Variants in DLG1 observed in about 807,000 individuals in gnomAD.
DLG1 encodes the protein discs large MAGUK scaffold protein 1, also known as disks large homolog 1.
Under a neutral mutation model 123.4 loss-of-function variants are expected in DLG1, and 42 were observed. That is an observed-to-expected ratio of 0.34 (90% confidence interval 0.27 to 0.44). The LOEUF (loss-of-function observed/expected upper bound fraction) is 0.44. Ranked by LOEUF, DLG1 falls within the 20% of genes least tolerant of loss-of-function variation. The pLI is 1.00. For synonymous variants in DLG1, 317 were observed against 356.2 expected (o/e 0.89, Z 1.24); for missense variants, 942 against 1,082.6 (o/e 0.87, Z 1.82).
rs1210979506 is a variant in DLG1 at position 197,211,761 on chromosome 3, A to ATATATATATT, written c.319-17173_319-17172insAATATATATA. 6.5e-4 allele frequency among the ~76,000 whole-genome samples: 95 copies of ATATATATATT among 146,504 alleles called. 4 individuals are homozygous for ATATATATATT. Among genetic ancestry groups the ATATATATATT allele is most frequent in the African/African-American group, 2.2e-3 (92 of 41,240 alleles). ...CCAGCAATCCCATTACTGGTTATAT[A>ATATATATATT]CCTAGAGGAATATAAATCATTCTAC... On this transcript the variant is annotated intron_variant, in intron 4 of 24. Transcript: ENST00000667157.
At chr3:197,068,488 T>C (rs770488107) in intron 19 of DLG1, 1 of 1,547,966 alleles carries the variant, frequency 6.5e-7, no homozygotes, top group South Asian at 1.1e-5. Context: ...GGGACTGATA[T>C]TAACAGGATG....
intron 5 of DLG1, among the ~76,000 whole-genome samples, chr3:197,182,106 A>T (rs1010430638): frequency 6.6e-6 from 1 of 151,538 alleles, no homozygotes; most frequent in African/African-American, 2.4e-5. Context: ...ATACATATAT[A>T]GAAGGGTGTG....
intron 3 of DLG1, among the ~76,000 whole-genome samples, chr3:197,287,085 G>A (rs978751861): frequency 1.3e-5 from 2 of 151,082 alleles, no homozygotes; most frequent in African/African-American, 4.9e-5. Flanking sequence ...TGCCCAGGCT[G>A]GTCTCAAACT....
At chr3:197,282,093 G>A (rs1165866403) in intron 4 of DLG1, among the ~76,000 whole-genome samples, 1 of 152,118 alleles carries the variant, frequency 6.6e-6, no homozygotes, top group African/African-American at 2.4e-5. Flanking sequence ...TCATACCTCT[G>A]CTATACCATA....
At chr3:197,061,869 CCTTTGTAA>C (rs1330247806) in intron 22 of DLG1, among the ~76,000 whole-genome samples, 1 of 152,028 alleles carries the variant, frequency 6.6e-6, no homozygotes, top group African/African-American at 2.4e-5. Flanking sequence ...ATCATTTTTA[CCTTTGTAA>C]CTGATAAGTA....
At position 197,060,069 on chromosome 3, in the gene DLG1, CTA is replaced by C; in HGVS notation, c.2374-73_2374-72del. 2.8e-6 allele frequency: 3 copies of C among 1,079,362 alleles called. No individual in the cohort carries two copies. In the Admixed American group the frequency reaches 5.9e-5, roughly 21 times the overall value. The allele number at this position is 1,079,362 out of a possible 1,614,324, so 66.9% of individuals were successfully genotyped here. A position where few individuals can be genotyped will look rare whatever the true frequency, so the allele number is the denominator to read the frequency against. ...CTCAATAATATCAAAGGTACTTTTC[CTA>C]CAGGTCCACAGTCTAAATCATGATC... On this transcript the variant is annotated intron_variant, in intron 22 of 24. Coordinates refer to ENST00000667157, the MANE Select transcript of DLG1 (RefSeq NM_001366207.1).
chr3:197,156,048 A>G (rs1358025724), intron 5 of DLG1, among the ~76,000 whole-genome samples: 1 of 152,236 alleles, frequency 6.6e-6, no homozygotes, highest in Non-Finnish European at 1.5e-5. Context: ...TATAACTTTG[A>G]TTTGTAACTT....
intron 4 of DLG1, among the ~76,000 whole-genome samples, chr3:197,242,631 A>G (rs1171646486): frequency 6.6e-6 from 1 of 152,134 alleles, no homozygotes; most frequent in Non-Finnish European, 1.5e-5. Context: ...CAATAAAAAG[A>G]ACCTCAAGAA....
Position 197,115,937 on chromosome 3 carries a change from C to T in DLG1, c.1433G>A (p.Arg478His), listed in dbSNP as rs748649814. 3.7e-6 allele frequency: 6 copies of T among 1,611,992 alleles called. No individual in the cohort carries two copies. The highest frequency in any genetic ancestry group is 1.7e-5 in the Admixed American group (1 of 59,670). ...DLSGELRKGD[R>H]IISVNSVDLR... ...ACTAACGTGTCTTACCGATATAATA[C>T]GATCTCCTTTTCTGAGCTCTCCACT... Residue 478 changes from arginine (R) to histidine (H), a missense_variant, in exon 13 of 25, where the codon CGT (arginine) becomes CAT (histidine). Physicochemically the swap from Arg to His is conservative, Grantham distance 29 (BLOSUM62 0). Coordinates refer to ENST00000667157, the MANE Select transcript of DLG1 (RefSeq NM_001366207.1).
chr3:197,101,613 T>A lies in DLG1; in HGVS notation c.1546+3290A>T, dbSNP rs555894577. On this transcript the variant is annotated intron_variant, in intron 14 of 24. Coordinates refer to ENST00000667157, the MANE Select transcript of DLG1 (RefSeq NM_001366207.1). ...ACCGTGTTAGCCAGAATGGTCTCTA[T>A]CTCCTGACCTCGTGATCTGCCCGCC... 3.0e-4 allele frequency among the ~76,000 whole-genome samples: 45 copies of A among 152,144 alleles called. No homozygotes were observed. In the East Asian group the frequency reaches 7.7e-3, roughly 26 times the overall value.
chr3:197,156,636 A>G (rs1345523808), intron 5 of DLG1, among the ~76,000 whole-genome samples: 1 of 152,190 alleles, frequency 6.6e-6, no homozygotes, highest in African/African-American at 2.4e-5. Context: ...ACAGTAACCA[A>G]AGGAGAGCAG....
chr3:197,044,767 T>C (rs951236116), intron 24 of DLG1, 38 bp from the exon 25 acceptor site: 16 of 1,296,870 alleles, frequency 1.2e-5, no homozygotes, highest in Non-Finnish European at 1.6e-5. Context: ...TCTCCATTAA[T>C]TGTCTATTTT....
chr3:197,150,426 A>G (rs1410426195), intron 5 of DLG1, among the ~76,000 whole-genome samples: 1 of 152,156 alleles, frequency 6.6e-6, no homozygotes, highest in Non-Finnish European at 1.5e-5. Context: ...TGGATTGAAA[A>G]AAAATCTTGG....
intron 5 of DLG1, among the ~76,000 whole-genome samples, chr3:197,189,901 AT>A (rs1257045111): frequency 6.6e-6 from 1 of 152,246 alleles, no homozygotes; most frequent in Non-Finnish European, 1.5e-5. Flanking sequence ...GAAATGGTAA[AT>A]GTGGAAAAGG....
In DLG1 at chr3:197,132,292, ATT is replaced by A. The variant is rs34795928; in HGVS notation, c.1021-1623_1021-1622del. Among the ~76,000 whole-genome samples the A allele has an allele frequency of 3.1e-3, 448 of 146,436 alleles. 2 individuals are homozygous for A. Among genetic ancestry groups the A allele is most frequent in the Middle Eastern group, 0.011 (3 of 282 alleles). ...TTTGGATTGTTCTTCTCTTTGATAC[ATT>A]TTTTTTTTTTGCAAATAAGTAAAAC... On this transcript the variant is annotated intron_variant, in intron 10 of 24. Coordinates refer to ENST00000667157, the MANE Select transcript of DLG1 (RefSeq NM_001366207.1).
At chr3:197,044,851 A>G (rs2148628391) in intron 24 of DLG1, 122 bp from the exon 25 acceptor site, 2 of 482,904 alleles carry the variant, frequency 4.1e-6, no homozygotes, top group Admixed American at 8.0e-5. Flanking sequence ...AAGAATCACC[A>G]TTTACACACT....
intron 24 of DLG1, among the ~76,000 whole-genome samples, chr3:197,049,116 T>TA (rs1207752902): frequency 9.2e-6 from 1 of 108,364 alleles, no homozygotes; most frequent in Non-Finnish European, 1.9e-5. Context: ...GTCAGGAGTT[T>TA]GAGACCAGCA....
At chr3:197,253,239 C>T (rs1755318026) in intron 4 of DLG1, among the ~76,000 whole-genome samples, 2 of 152,126 alleles carry the variant, frequency 1.3e-5, no homozygotes, top group Admixed American at 1.3e-4. Context: ...AAAAGAACCA[C>T]CCAATTCGAA....
chr3:197,212,281 T>C lies in DLG1; in HGVS notation c.319-17692A>G, dbSNP rs139771797. On this transcript the variant is annotated intron_variant, in intron 4 of 24. Coordinates refer to ENST00000667157, the MANE Select transcript of DLG1 (RefSeq NM_001366207.1). Reference sequence around the variant, plus strand: ...AATGGTGATATGTTCAACATTAAGATGGAGGAAAGGATGCTTACTTGCCTC... The same window carrying C: ...AATGGTGATATGTTCAACATTAAGACGGAGGAAAGGATGCTTACTTGCCTC... Among the ~76,000 whole-genome samples the C allele has an allele frequency of 6.1e-5, 9 of 147,606 alleles. 1 individual carries two copies. The East Asian group carries it at 1.8e-3, about 29-fold the overall frequency.
Sources: gnomAD v4.1 joint callset for allele counts (sites outside exome capture counted in the v4.1 genomes callset) on GRCh38, gnomAD v4.1.1 for gene constraint, MANE v1.5 for transcripts, NCBI Gene and HGNC (gene_info 2026-07-23, HGNC 2026-07-21) for gene names.